FOXO1: variants seen among roughly 807,000 people sequenced by gnomAD.
The protein encoded by FOXO1 is forkhead box O1.
FOXO1 carries 6 observed loss-of-function variants against 44.1 expected under a neutral mutation model. The observed-to-expected ratio is 0.14, with a 90% CI of 0.07 to 0.27. FOXO1 has a LOEUF of 0.27. FOXO1 is among the 10% of genes least tolerant of loss of function. The probability of loss-of-function intolerance (pLI) is 1.00; values close to 1 mark genes in which losing one functional copy is unlikely to be tolerated. For missense variants in FOXO1, 737 were observed against 888.8 expected (o/e 0.83, Z 2.17); for synonymous variants, 380 against 362.7 (o/e 1.05, Z -0.54).
At chr13:40,565,763 A>G (rs184067263) in intron 1 of FOXO1, among the ~76,000 whole-genome samples, 1 of 152,366 alleles carries the variant, frequency 6.6e-6, no homozygotes, top group East Asian at 1.9e-4. Flanking sequence ...TCTATTAGCT[A>G]ATGTTACTGT....
At chr13:40,607,469 C>T (rs118082115) in intron 1 of FOXO1, among the ~76,000 whole-genome samples, 162 of 131,858 alleles carry the variant, frequency 1.2e-3, no homozygotes, top group Middle Eastern at 4.2e-3. Context: ...GGGTTTCTTC[C>T]TTCAACCATT....
At chr13:40,632,524 G>A (rs1165911879) in intron 1 of FOXO1, among the ~76,000 whole-genome samples, 1 of 152,040 alleles carries the variant, frequency 6.6e-6, no homozygotes, top group Non-Finnish European at 1.5e-5. Flanking sequence ...CGTAATCCTA[G>A]CTACTTGGGA....
chr13:40,644,515 A>G (rs1378220271), intron 1 of FOXO1, among the ~76,000 whole-genome samples: 1 of 152,204 alleles, frequency 6.6e-6, no homozygotes, highest in Non-Finnish European at 1.5e-5. Flanking sequence ...CCAGAGAAAA[A>G]AAATCACAAT....
chr13:40,597,114 A>G (rs1453169266), intron 1 of FOXO1, among the ~76,000 whole-genome samples: 1 of 152,160 alleles, frequency 6.6e-6, no homozygotes, highest in African/African-American at 2.4e-5. Flanking sequence ...CACACGGGGG[A>G]GCCTATTTAC....
Position 40,666,202 on chromosome 13 carries a change from G to T in FOXO1, c.11C>A (p.Ala4Glu). Residue 4 changes from alanine (A) to glutamate (E), a missense_variant, in exon 1 of 3, where the codon GCG (alanine) becomes GAG (glutamate). By Grantham distance (107) the Ala-to-Glu change is moderately radical (BLOSUM62 -1). This residue lies in a region of FOXO1 where 213 missense variants were observed against 236.4 expected (regional missense o/e 0.90). Transcript: ENST00000379561. ...CGGGTCGATCTCCACCACCTGAGGCGCCTCGGCCATGGTGACCCCCGCCCC... is the reference window on the plus strand; with the variant it reads ...CGGGTCGATCTCCACCACCTGAGGCTCCTCGGCCATGGTGACCCCCGCCCC... MAE[A>E]PQVVEIDPDF... 1 of 1,438,898 alleles carries T rather than the reference G, an allele frequency of 6.9e-7. No homozygotes were observed. The highest frequency in any genetic ancestry group is 2.6e-5 in the Admixed American group (1 of 39,208). The allele number at this position is 1,438,898 out of a possible 1,614,324, so 89.1% of individuals were successfully genotyped here. A position where few individuals can be genotyped will look rare whatever the true frequency, so the allele number is the denominator to read the frequency against.
intron 1 of FOXO1, among the ~76,000 whole-genome samples, chr13:40,642,303 A>G (rs1400178913): frequency 4.6e-5 from 7 of 152,244 alleles, no homozygotes; most frequent in South Asian, 2.1e-4. Flanking sequence ...ACCAAACCCC[A>G]ATCTAGACAT....
rs1156587401 is a variant in FOXO1 at position 40,557,428 on chromosome 13, G to T, written c.*1621C>A. 1 of 152,178 alleles carries T rather than the reference G, an allele frequency of 6.6e-6. No homozygotes were observed. Among genetic ancestry groups the T allele is most frequent in the Non-Finnish European group, 1.5e-5 (1 of 68,028 alleles). The allele number at this position is 152,178 out of a possible 1,614,324, so 9.4% of individuals were successfully genotyped here. A position where few individuals can be genotyped will look rare whatever the true frequency, so the allele number is the denominator to read the frequency against. On this transcript the variant is annotated 3_prime_UTR_variant, in exon 3 of 3. Coordinates refer to ENST00000379561, the MANE Select transcript of FOXO1 (RefSeq NM_002015.4). ...GAAATTTTCAAATTCTTAAGCCAAG[G>T]CTTTTAACATAATCTCAATGCACAA...
At chr13:40,611,395 G>A (rs779756828) in intron 1 of FOXO1, among the ~76,000 whole-genome samples, 3 of 152,206 alleles carry the variant, frequency 2.0e-5, no homozygotes, top group East Asian at 1.9e-4. Flanking sequence ...CACACAGTGT[G>A]TATTTCAGGA....
At chr13:40,664,383 G>A (rs1249660609) in intron 1 of FOXO1, among the ~76,000 whole-genome samples, 12 of 152,056 alleles carry the variant, frequency 7.9e-5, no homozygotes, top group African/African-American at 2.9e-4. Flanking sequence ...ACTGGACCCC[G>A]CCCCCGGGAA....
chr13:40,581,068 A>G (rs1338759826), intron 1 of FOXO1, among the ~76,000 whole-genome samples: 1 of 152,232 alleles, frequency 6.6e-6, no homozygotes, highest in African/African-American at 2.4e-5. Context: ...CTACAAAAGG[A>G]AATGAAATGC....
chr13:40,618,683 A>G (rs1218353746), intron 1 of FOXO1: 1 of 392,286 alleles, frequency 2.5e-6, no homozygotes, highest in Non-Finnish European at 4.9e-6. Flanking sequence ...GATGGATACC[A>G]TGGCATATGT....
intron 1 of FOXO1, chr13:40,619,015 C>T (rs1279738092): frequency 6.0e-6 from 3 of 504,178 alleles, no homozygotes; most frequent in Admixed American, 2.0e-5. Context: ...GGCCGGACAC[C>T]GTGACTCATG....
At chr13:40,638,541 C>T (rs1345019032) in intron 1 of FOXO1, among the ~76,000 whole-genome samples, 1 of 151,948 alleles carries the variant, frequency 6.6e-6, no homozygotes, top group South Asian at 2.1e-4. Flanking sequence ...GATTTGGGGG[C>T]GAGAGACTAA....
intron 1 of FOXO1, among the ~76,000 whole-genome samples, chr13:40,652,399 G>A (rs761360225): frequency 2.0e-5 from 3 of 151,346 alleles, no homozygotes; most frequent in Non-Finnish European, 2.9e-5. Context: ...CAACACGCCT[G>A]GCTAATTTTT....
chr13:40,635,610 G>C lies in FOXO1; in HGVS notation c.630+29973C>G, dbSNP rs1877120892. Among the ~76,000 whole-genome samples, 6 of 152,222 alleles carry C rather than the reference G, an allele frequency of 3.9e-5. No individual in the cohort carries two copies. The South Asian group carries it at 1.2e-3, about 32-fold the overall frequency. On this transcript the variant is annotated intron_variant, in intron 1 of 2. Transcript: ENST00000379561. ...AAAATATTTTCATTACCACGAGTCTGGAAGAGTATTTTTACAGAGGAAAAT... is the reference window on the plus strand; with the variant it reads ...AAAATATTTTCATTACCACGAGTCTCGAAGAGTATTTTTACAGAGGAAAAT...
rs144982739 is a variant in FOXO1 at position 40,613,670 on chromosome 13, G to A, written c.630+51913C>T. The stretch of plus-strand genomic sequence containing the variant: ...CTCACTTGGTTTAGTGGATGATTAC[G>A]GCGTCAGCATGTGCATTTGAAACAG... On this transcript the variant is annotated intron_variant, in intron 1 of 2. Transcript: ENST00000379561. 4.8e-4 allele frequency among the ~76,000 whole-genome samples: 73 copies of A among 152,280 alleles called. No homozygotes were observed. The East Asian group carries it at 0.013, about 27-fold the overall frequency.
At chr13:40,653,886 C>T (rs990803402) in intron 1 of FOXO1, among the ~76,000 whole-genome samples, 4 of 152,132 alleles carry the variant, frequency 2.6e-5, no homozygotes, top group African/African-American at 9.7e-5. Context: ...AACATGGATG[C>T]TTTATCATAT....
chr13:40,641,963 G>A (rs937022134), intron 1 of FOXO1, among the ~76,000 whole-genome samples: 2 of 152,100 alleles, frequency 1.3e-5, no homozygotes, highest in Non-Finnish European at 2.9e-5. Flanking sequence ...TCCAGCCTGG[G>A]AGACACAGCA....
At chr13:40,631,818 A>G (rs1288017449) in intron 1 of FOXO1, among the ~76,000 whole-genome samples, 1 of 152,236 alleles carries the variant, frequency 6.6e-6, no homozygotes. Context: ...TTGCAAGATG[A>G]AAAGAGTTCT....
Sources: allele counts gnomAD v4.1 joint callset (sites outside exome capture counted in the v4.1 genomes callset), GRCh38; gene constraint gnomAD v4.1.1; regional missense constraint gnomAD v4.1.1; transcripts MANE v1.5; gene names NCBI Gene and HGNC (gene_info 2026-07-23, HGNC 2026-07-21).